The following ALK variants were observed in gnomAD, a reference collection of about 807,000 sequenced individuals.
ALK encodes the protein ALK tyrosine kinase receptor.
ALK carries 74 observed loss-of-function variants against 163.1 expected under a neutral mutation model. The ratio of observed to expected loss-of-function variants is 0.45; its 90% CI spans 0.38 to 0.55. The LOEUF is 0.55. Among genes scored for constraint, ALK ranks in the 20% least tolerant of loss-of-function variants. ALK has a pLI of 0.00. For missense variants in ALK, 2,063 were observed against 2,105.3 expected, an observed-to-expected ratio of 0.98 and a Z score of 0.39; for synonymous variants, 960 against 843.2, an observed-to-expected ratio of 1.14 and a Z score of -2.40.
At chr2:29,194,143 A>G (rs1479751133) in intron 28 of ALK, among the ~76,000 whole-genome samples, 1 of 152,146 alleles carries the variant, frequency 6.6e-6, no homozygotes, top group East Asian at 1.9e-4. Flanking sequence ...GGAAGTGTGT[A>G]TGGGTGCCTG....
At chr2:29,451,381 A>G (rs900225815) in intron 4 of ALK, among the ~76,000 whole-genome samples, 48 of 152,254 alleles carry the variant, frequency 3.2e-4, no homozygotes, top group African/African-American at 1.1e-3. Flanking sequence ...TGCCTCTGGG[A>G]TAAAGATAAA....
chr2:29,732,163 C>T (rs2148318217), intron 1 of ALK, among the ~76,000 whole-genome samples: 1 of 152,288 alleles, frequency 6.6e-6, no homozygotes, highest in Non-Finnish European at 1.5e-5. Context: ...ATAACCAAAC[C>T]CAGCCTCATA....
intron 1 of ALK, among the ~76,000 whole-genome samples, chr2:29,861,488 G>T (rs1666290301): frequency 6.6e-6 from 1 of 152,004 alleles, no homozygotes; most frequent in Non-Finnish European, 1.5e-5. Flanking sequence ...GATCATAACA[G>T]ATTACTATCA....
chr2:29,649,404 A>G (rs566664458), intron 3 of ALK, among the ~76,000 whole-genome samples: 1 of 152,216 alleles, frequency 6.6e-6, no homozygotes, highest in African/African-American at 2.4e-5. Context: ...TGCTATCATC[A>G]AATATCTGTT....
At chr2:29,789,015 CTGTGTGTGTGTGTGTGTG>C (rs57619106) in intron 1 of ALK, among the ~76,000 whole-genome samples, 4 of 125,406 alleles carry the variant, frequency 3.2e-5, no homozygotes, top group Admixed American at 8.5e-5. Flanking sequence ...TCCTGGTACA[CTGTGTGTGTGTGTGTGTG>C]TGTGTGTGTG....
chr2:29,672,787 C>T (rs1225706002), intron 3 of ALK, among the ~76,000 whole-genome samples: 3 of 148,882 alleles, frequency 2.0e-5, no homozygotes, highest in Admixed American at 1.3e-4. Context: ...GTTTACAGTC[C>T]CACCAACAGT....
rs1060500234 is a variant in ALK at position 29,920,380 on chromosome 2, C to A, written c.280G>T (p.Asp94Tyr). Residue 94 changes from aspartate to tyrosine, a missense_variant, in exon 1 of 29, where the codon GAC (aspartate) becomes TAC (tyrosine). Around this residue, in one of 5 missense-constraint regions of ALK, gnomAD observed 987 missense variants for 939.5 expected, o/e 1.05. Coordinates refer to ENST00000389048, the MANE Select transcript of ALK (RefSeq NM_004304.5). ...AGCAACCTGAGCAGCGGGGCGCAGT[C>A]CAGAGCTAGCGAGCCGCGGGCCTCG... ...RPEARGSLAL[D>Y]CAPLLRLLGP... 2 of 1,562,394 alleles carry A rather than the reference C, an allele frequency of 1.3e-6. No homozygotes were observed. Among genetic ancestry groups the A allele is most frequent in the East Asian group, 2.4e-5 (1 of 41,678 alleles).
chr2:29,766,824 G>C (rs1407380398), intron 1 of ALK, among the ~76,000 whole-genome samples: 1 of 152,144 alleles, frequency 6.6e-6, no homozygotes, highest in East Asian at 1.9e-4. Context: ...GTCCCTGACA[G>C]ACCTGAAACC....
At chr2:29,692,390 G>A (rs976118074) in intron 3 of ALK, among the ~76,000 whole-genome samples, 2 of 152,146 alleles carry the variant, frequency 1.3e-5, no homozygotes, top group African/African-American at 2.4e-5. Context: ...TAGAGCAATG[G>A]TCCCCAACCT....
At chr2:29,642,986 C>A (rs1248498878) in intron 3 of ALK, among the ~76,000 whole-genome samples, 1 of 152,094 alleles carries the variant, frequency 6.6e-6, no homozygotes, top group East Asian at 1.9e-4. Context: ...CCTCTGGGAG[C>A]TCAGAGTTTA....
intron 4 of ALK, among the ~76,000 whole-genome samples, chr2:29,508,811 T>C (rs1338423680): frequency 1.3e-5 from 2 of 150,310 alleles, no homozygotes; most frequent in Admixed American, 1.3e-4. Context: ...ACATGCATTT[T>C]ACTAGATCCC....
chr2:29,650,921 C>T (rs1368022587), intron 3 of ALK, among the ~76,000 whole-genome samples: 5 of 152,056 alleles, frequency 3.3e-5, no homozygotes, highest in Non-Finnish European at 7.4e-5. Flanking sequence ...ATGCACCAAA[C>T]GAATTAAATC....
intron 1 of ALK, among the ~76,000 whole-genome samples, chr2:29,828,826 A>G (rs1665278456): frequency 6.6e-6 from 1 of 152,134 alleles, no homozygotes; most frequent in Non-Finnish European, 1.5e-5. Context: ...TATATACCCA[A>G]AGGATTATAA....
At chr2:29,691,599 G>C (rs1378850419) in intron 3 of ALK, among the ~76,000 whole-genome samples, 1 of 152,158 alleles carries the variant, frequency 6.6e-6, no homozygotes, top group Non-Finnish European at 1.5e-5. Flanking sequence ...TGACCCTTGG[G>C]ATCCAGCTTC....
intron 1 of ALK, among the ~76,000 whole-genome samples, chr2:29,755,426 A>G (rs1362557526): frequency 6.6e-6 from 1 of 152,200 alleles, no homozygotes; most frequent in Non-Finnish European, 1.5e-5. Context: ...TAGGGGAAGA[A>G]TTCTCCACGG....
intron 4 of ALK, among the ~76,000 whole-genome samples, chr2:29,395,565 C>G (rs1457479044): frequency 2.6e-5 from 4 of 152,192 alleles, no homozygotes; most frequent in Admixed American, 6.5e-5. Flanking sequence ...AGCAAGTTCT[C>G]TCTGACCCTC....
intron 4 of ALK, among the ~76,000 whole-genome samples, chr2:29,494,843 CGTGTGTGTGT>C (rs35306598): frequency 1.0e-4 from 15 of 147,322 alleles, no homozygotes; most frequent in Middle Eastern, 3.4e-3. Context: ...TTTAGAGACT[CGTGTGTGTGT>C]GTGTGTGTGT....
At chr2:29,321,457 T>A (rs1464936625) in intron 6 of ALK, among the ~76,000 whole-genome samples, 2 of 152,218 alleles carry the variant, frequency 1.3e-5, no homozygotes, top group Non-Finnish European at 2.9e-5. Flanking sequence ...TTGCTTTCCT[T>A]TCTCTCCCAA....
At chr2:29,558,399 C>G (rs1673923322) in intron 3 of ALK, among the ~76,000 whole-genome samples, 2 of 152,160 alleles carry the variant, frequency 1.3e-5, no homozygotes, top group Admixed American at 6.5e-5. Context: ...AGTCCAAACT[C>G]TTTAGCCTGG....
Sources: allele counts gnomAD v4.1 joint callset (sites outside exome capture counted in the v4.1 genomes callset), GRCh38; gene constraint gnomAD v4.1.1; regional missense constraint gnomAD v4.1.1; transcripts MANE v1.5; gene names NCBI Gene and HGNC (gene_info 2026-07-23, HGNC 2026-07-21).